RAP1GAP2: variants seen among roughly 807,000 people sequenced by gnomAD.
RAP1GAP2 encodes the protein rap1 GTPase-activating protein 2.
RAP1GAP2 carries 27 observed loss-of-function variants against 95.0 expected under a neutral mutation model. The ratio of observed to expected loss-of-function variants is 0.28; its 90% confidence interval spans 0.21 to 0.39. RAP1GAP2 has a LOEUF of 0.39. Among genes scored for constraint, RAP1GAP2 ranks in the 10% least tolerant of loss-of-function variants. RAP1GAP2 has a pLI of 1.00. For missense variants in RAP1GAP2, 771 were observed against 970.0 expected (o/e 0.79, Z 2.72); for synonymous variants, 373 against 380.9 (o/e 0.98, Z 0.24).
Position 2,871,431 on chromosome 17 carries a change from C to T in RAP1GAP2, c.81-33853C>T, listed in dbSNP as rs560646391. Among the ~76,000 whole-genome samples, 1 of 152,188 alleles carries T rather than the reference C, an allele frequency of 6.6e-6. No homozygotes were observed. The highest frequency in any genetic ancestry group is 2.1e-4 in the South Asian group (1 of 4,820). ...GAGCCATGATTGGCCCAGGGAGAGT[C>T]AGGGGCGCACTCTGGTCAGAGTGGT... On this transcript the variant is annotated intron_variant, in intron 2 of 24. Transcript: ENST00000254695. This position sits in a 1 kb window ranked among gnomAD's most constrained non-coding sequence, Gnocchi z 5.0.
At chr17:2,923,672 G>A (rs1282468064) in intron 3 of RAP1GAP2, among the ~76,000 whole-genome samples, 2 of 144,832 alleles carry the variant, frequency 1.4e-5, no homozygotes, top group Non-Finnish European at 3.0e-5. Context: ...TTTTTTGTGT[G>A]TGTGCAAATA....
At position 3,018,197 on chromosome 17, in the gene RAP1GAP2, C is replaced by T. The variant is rs375234077; in HGVS notation, c.1631C>T (p.Ser544Leu). 75 of 1,566,176 alleles carry T rather than the reference C, an allele frequency of 4.8e-5. 1 individual carries two copies. The highest frequency in any genetic ancestry group is 2.0e-4 in the South Asian group (17 of 85,396). ...ATGGAGGTCACCAAGACCACCTTCT[C>T]GGTGAGTGCTGGCAGGCCCCGGGGC... is the stretch of plus-strand genomic sequence containing the variant. ...NSMEVTKTTF[S>L]PPVVAATVKN... Residue 544 changes from serine to leucine, a missense_variant and splice_region_variant, in exon 18 of 25, where the codon TCG becomes TTG. By Grantham distance (145) the Ser-to-Leu change is moderately radical. Transcript: ENST00000254695.
chr17:2,795,535 C>A (rs550243787), upstream of RAP1GAP2, among the ~76,000 whole-genome samples: 5 of 152,348 alleles, frequency 3.3e-5, no homozygotes, highest in African/African-American at 1.2e-4. Flanking sequence ...CCCCCCACCC[C>A]ACACAGCCAG....
intron 3 of RAP1GAP2, among the ~76,000 whole-genome samples, chr17:2,929,552 C>T (rs147085102): frequency 1.4e-3 from 217 of 152,246 alleles, no homozygotes; most frequent in African/African-American, 4.7e-3. Context: ...AGTCATTCCT[C>T]GTAGGGATCG....
At position 3,018,168 on chromosome 17, in the gene RAP1GAP2, C is replaced by T. The variant is rs372081904; in HGVS notation, c.1602C>T (p.Asn534=). Residue 534 remains asparagine, a synonymous_variant, in exon 18 of 25, where the codon AAC becomes AAT. Transcript: ENST00000254695. Reference sequence around the variant, plus strand: ...GCCTCAGCGGGGGCATCTCCCACAACAGCATGGAGGTCACCAAGACCACCT... The same window carrying T: ...GCCTCAGCGGGGGCATCTCCCACAATAGCATGGAGGTCACCAAGACCACCT... ...PGSLSGGISH[N]SMEVTKTTFS... The T allele has an allele frequency of 9.3e-5, 147 of 1,578,994 alleles. No homozygotes were observed. The highest frequency in any genetic ancestry group is 8.3e-4 in the Middle Eastern group (5 of 6,004).
chr17:2,785,821 T>A (rs116164565), intron 1 of RAP1GAP2, among the ~76,000 whole-genome samples: 198 of 151,998 alleles, frequency 1.3e-3, no homozygotes, highest in African/African-American at 4.7e-3. Flanking sequence ...ACGAGTCTCT[T>A]AACCTCTCTG....
chr17:2,854,135 G>A (rs2072022643), intron 2 of RAP1GAP2: 23 of 985,274 alleles, frequency 2.3e-5, no homozygotes, highest in Non-Finnish European at 2.5e-5. Flanking sequence ...GCTTCCCTCC[G>A]CTCTCCTGCT....
intron 3 of RAP1GAP2, among the ~76,000 whole-genome samples, chr17:2,925,308 G>A (rs1374894721): frequency 6.6e-6 from 1 of 152,038 alleles, no homozygotes; most frequent in African/African-American, 2.4e-5. Flanking sequence ...AAGAAATACC[G>A]GAGACTGGGT....
At chr17:2,917,630 C>G (rs755688920) in intron 3 of RAP1GAP2, among the ~76,000 whole-genome samples, 2 of 152,106 alleles carry the variant, frequency 1.3e-5, no homozygotes, top group African/African-American at 4.8e-5. Context: ...GTCTCAAACT[C>G]CAGATCTCAG....
intron 3 of RAP1GAP2, among the ~76,000 whole-genome samples, chr17:2,940,960 C>T (rs540114313): frequency 1.3e-5 from 2 of 152,248 alleles, no homozygotes; most frequent in African/African-American, 4.8e-5. Context: ...CAGGCTGCAC[C>T]GCCATGGGCT....
intron 2 of RAP1GAP2, among the ~76,000 whole-genome samples, chr17:2,831,740 A>C (rs957588032): frequency 6.6e-6 from 1 of 152,088 alleles, no homozygotes; most frequent in Non-Finnish European, 1.5e-5. Flanking sequence ...TCTACTAAAA[A>C]TAAAAAAAAT....
At chr17:2,820,156 C>T (rs768799589) in intron 2 of RAP1GAP2, among the ~76,000 whole-genome samples, 5 of 152,066 alleles carry the variant, frequency 3.3e-5, no homozygotes, top group Non-Finnish European at 7.4e-5. Context: ...CCCATTGATC[C>T]CCTCTTGCTG....
At chr17:2,969,165 A>ATCTATCTG (rs1216819901) in intron 8 of RAP1GAP2, among the ~76,000 whole-genome samples, 1 of 102,116 alleles carries the variant, frequency 9.8e-6, no homozygotes, top group African/African-American at 3.2e-5. Flanking sequence ...ATTTTTCTTT[A>ATCTATCTG]TCTATCTATC....
intron 2 of RAP1GAP2, among the ~76,000 whole-genome samples, chr17:2,862,520 GC>G (rs2072444742): frequency 1.4e-5 from 2 of 144,998 alleles, no homozygotes. Flanking sequence ...GCACCCCCAC[GC>G]CCCCCAACTC....
intron 3 of RAP1GAP2, among the ~76,000 whole-genome samples, chr17:2,922,689 C>T (rs370312621): frequency 2.6e-5 from 4 of 152,200 alleles, no homozygotes; most frequent in Admixed American, 1.3e-4. Flanking sequence ...ACATATGGGG[C>T]CATGGCAGGT....
intron 16 of RAP1GAP2, 90 bp from the exon 17 acceptor site, chr17:3,007,921 C>A: frequency 6.9e-7 from 1 of 1,457,392 alleles, no homozygotes; most frequent in Non-Finnish European, 9.3e-7. Context: ...AGAATGTCAG[C>A]CTCCAGGCCA....
intron 2 of RAP1GAP2, among the ~76,000 whole-genome samples, chr17:2,887,940 C>T (rs1284816887): frequency 2.6e-5 from 4 of 152,134 alleles, no homozygotes; most frequent in African/African-American, 7.2e-5. Flanking sequence ...TCCCAAAGTG[C>T]TGGGATTACA....
chr17:2,769,528 C>T (rs541543026), intron 1 of RAP1GAP2, among the ~76,000 whole-genome samples: 1 of 151,488 alleles, frequency 6.6e-6, no homozygotes, highest in Non-Finnish European at 1.5e-5. Flanking sequence ...GCACTCCAGC[C>T]TGGGTGACAG....
rs2072638840 is a variant in RAP1GAP2, at chr17:2,866,943, C to T, written c.81-38341C>T. On this transcript the variant is annotated intron_variant, in intron 2 of 24. Coordinates refer to ENST00000254695, the MANE Select transcript of RAP1GAP2 (RefSeq NM_015085.5). The surrounding 1 kb of genome is among the most constrained non-coding windows in gnomAD (Gnocchi z 4.0). ...AGAGATGGAGTCTCACTCTGTCACC[C>T]AGGCTGGAGTGCAGTGGTACAATCT... Among the ~76,000 whole-genome samples the T allele has an allele frequency of 6.6e-6, 1 of 151,516 alleles. No individual in the cohort carries two copies. The highest frequency in any genetic ancestry group is 2.4e-5 in the African/African-American group (1 of 41,202).
Sources: allele counts gnomAD v4.1 joint callset (sites outside exome capture counted in the v4.1 genomes callset), GRCh38; gene constraint gnomAD v4.1.1; non-coding constraint Gnocchi (gnomAD v3.1); transcripts MANE v1.5; gene names NCBI Gene and HGNC (gene_info 2026-07-23, HGNC 2026-07-21).